The following KYNU variants were observed in gnomAD, a reference collection of about 807,000 sequenced individuals.
The protein encoded by KYNU is L-kynurenine hydrolase.
KYNU carries 54 observed loss-of-function variants against 59.2 expected under a neutral mutation model. The observed-to-expected ratio is 0.91, with a 90% CI of 0.73 to 1.14. The LOEUF (loss-of-function observed/expected upper bound fraction) is 1.14. Among genes scored for constraint, KYNU ranks in the 50% most tolerant of loss-of-function variants. The pLI is 0.00. For missense variants in KYNU, 567 were observed against 554.4 expected (o/e 1.02, Z -0.23); for synonymous variants, 177 against 192.0 (o/e 0.92, Z 0.65).
chr2:142,947,156 A>G, intron 4 of KYNU: 1 of 1,551,116 alleles, frequency 6.4e-7, no homozygotes, highest in Non-Finnish European at 8.7e-7. Flanking sequence ...TGACCTCAGT[A>G]TGTGTAATCT....
rs368432778 is a variant in KYNU, at chr2:142,960,758, T to C, written c.717T>C (p.Ala239=). Residue 239 remains alanine, a synonymous_variant, in exon 8 of 14, where the codon GCT becomes GCC. Transcript: ENST00000264170. ...TTAATATTCCTGCCATCACAAAAGC[T>C]GGACAAGCGAAGGTATGCACGCCAT... ...QHFNIPAITK[A]GQAKGCYVGF... The C allele has an allele frequency of 1.2e-6, 2 of 1,614,020 alleles. No individual in the cohort carries two copies. The highest frequency in any genetic ancestry group is 1.7e-6 in the Non-Finnish European group (2 of 1,179,990).
At chr2:143,019,083 G>C (rs946064052) in intron 10 of KYNU, among the ~76,000 whole-genome samples, 2 of 152,060 alleles carry the variant, frequency 1.3e-5, no homozygotes, top group Non-Finnish European at 2.9e-5. Flanking sequence ...TCAGTTAAGA[G>C]AGATAATTTA....
intron 2 of KYNU, among the ~76,000 whole-genome samples, chr2:142,901,981 T>G (rs1478176605): frequency 6.6e-6 from 1 of 152,198 alleles, no homozygotes; most frequent in Non-Finnish European, 1.5e-5. Flanking sequence ...GTGGCGGGGT[T>G]AAGAGTTGCG....
intron 10 of KYNU, among the ~76,000 whole-genome samples, chr2:143,011,188 T>C (rs1686086085): frequency 2.1e-5 from 3 of 143,396 alleles, no homozygotes. Context: ...ACATCCAGAA[T>C]CTACAATGAA....
chr2:142,970,668 C>T (rs1684692360), intron 8 of KYNU, among the ~76,000 whole-genome samples: 1 of 152,152 alleles, frequency 6.6e-6, no homozygotes, highest in African/African-American at 2.4e-5. Context: ...TGATTGGCAC[C>T]ATGTTTTGCC....
rs61062901 is a variant in KYNU, at chr2:143,032,711, T to TTGTGTG, written c.956-499_956-494dup. ...GATCTTTTTTTTAAAGCTCCCTCTATTGTGTGTGTGTGTGTGTGTGTGTGT... is the reference window on the plus strand; with the variant it reads ...GATCTTTTTTTTAAAGCTCCCTCTATTGTGTGTGTGTGTGTGTGTGTGTGTGTGTGT... On this transcript the variant is annotated intron_variant, in intron 11 of 13. Transcript: ENST00000264170. 1.4e-3 allele frequency among the ~76,000 whole-genome samples: 183 copies of TTGTGTG among 129,444 alleles called. 1 individual carries two copies. The highest frequency in any genetic ancestry group is 4.2e-3 in the East Asian group (19 of 4,532). 84.9% of individuals were successfully genotyped at this position (129,444 alleles called of 152,430 possible). A position where few individuals can be genotyped will look rare whatever the true frequency, so the allele number is the denominator to read the frequency against.
intron 3 of KYNU, among the ~76,000 whole-genome samples, chr2:142,922,526 C>T (rs1045326777): frequency 6.6e-6 from 1 of 151,968 alleles, no homozygotes; most frequent in Non-Finnish European, 1.5e-5. Context: ...ATAATCTTAA[C>T]AGTAACATAA....
chr2:143,012,026 C>T (rs1686117725), intron 10 of KYNU, among the ~76,000 whole-genome samples: 1 of 145,090 alleles, frequency 6.9e-6, no homozygotes, highest in Admixed American at 6.9e-5. Context: ...AACTAACCTG[C>T]ACAATGTGCA....
chr2:142,930,789 A>G (rs1351457877), intron 4 of KYNU, among the ~76,000 whole-genome samples: 1 of 152,216 alleles, frequency 6.6e-6, no homozygotes, highest in Admixed American at 6.5e-5. Context: ...GGGCTTTAAC[A>G]TATGAATTTG....
At chr2:142,988,705 T>C in intron 10 of KYNU, 1 of 728,082 alleles carries the variant, frequency 1.4e-6, no homozygotes, top group Non-Finnish European at 2.5e-6. Flanking sequence ...AAAACCTTGG[T>C]TGTTTTTCTG....
chr2:142,932,638 C>A (rs117430103), intron 4 of KYNU, among the ~76,000 whole-genome samples: 1 of 151,836 alleles, frequency 6.6e-6, no homozygotes, highest in Admixed American at 6.6e-5. Context: ...TAATGAATGA[C>A]AAATTGAATA....
intron 8 of KYNU, among the ~76,000 whole-genome samples, chr2:142,967,888 CAATT>C (rs1316468311): frequency 1.3e-5 from 2 of 151,962 alleles, no homozygotes; most frequent in Admixed American, 1.3e-4. Flanking sequence ...AGAACTTGAG[CAATT>C]AATTAGCTAG....
chr2:142,961,393 A>G (rs1050998631), intron 8 of KYNU, among the ~76,000 whole-genome samples: 1 of 145,324 alleles, frequency 6.9e-6, no homozygotes, highest in Non-Finnish European at 1.5e-5. Context: ...TGCCATTGGT[A>G]CTCAGCTGGT....
In KYNU at chr2:143,047,995, C is replaced by T. The variant is rs1222339739; in HGVS notation, c.*5823C>T. 6.6e-6 allele frequency: 1 copy of T among 151,632 alleles called. No homozygotes were observed. Among genetic ancestry groups the T allele is most frequent in the Non-Finnish European group, 1.5e-5 (1 of 67,978 alleles). 9.4% of individuals were successfully genotyped at this position (151,632 alleles called of 1,614,324 possible). Reference sequence around the variant, plus strand: ...AAGTAGCTGGGATTACAGGCATGGGCCACTATGCCCAGCTAATTTTTGTAT... The same window carrying T: ...AAGTAGCTGGGATTACAGGCATGGGTCACTATGCCCAGCTAATTTTTGTAT... On this transcript the variant is annotated 3_prime_UTR_variant, in exon 14 of 14. Coordinates refer to ENST00000264170, the MANE Select transcript of KYNU (RefSeq NM_003937.3).
At chr2:142,892,599 C>A (rs1275849719) in intron 2 of KYNU, among the ~76,000 whole-genome samples, 1 of 151,962 alleles carries the variant, frequency 6.6e-6, no homozygotes, top group Non-Finnish European at 1.5e-5. Context: ...AACAGTAAGT[C>A]TGAAGAAGTA....
chr2:143,027,064 G>C (rs116288770), intron 10 of KYNU, among the ~76,000 whole-genome samples: 4,073 of 152,244 alleles, frequency 0.027, 178 homozygotes, highest in African/African-American at 0.093. Context: ...TTGGGCTGTG[G>C]TTTCAGGCTT....
chr2:142,943,728 A>G (rs1683678908), intron 4 of KYNU, among the ~76,000 whole-genome samples: 1 of 152,180 alleles, frequency 6.6e-6, no homozygotes, highest in Admixed American at 6.5e-5. Flanking sequence ...GCTGACCCTC[A>G]GAGAAGCAAT....
chr2:142,974,003 T>C (rs1369243786), intron 8 of KYNU, among the ~76,000 whole-genome samples: 1 of 152,196 alleles, frequency 6.6e-6, no homozygotes, highest in Non-Finnish European at 1.5e-5. Context: ...ATGCTCCAAT[T>C]CGTTTAGCTT....
intron 8 of KYNU, among the ~76,000 whole-genome samples, chr2:142,969,646 G>A (rs1021807100): frequency 1.3e-5 from 2 of 152,120 alleles, no homozygotes; most frequent in Non-Finnish European, 2.9e-5. Context: ...ATGAAGCCTG[G>A]CCTCCAGATG....
Sources: allele counts gnomAD v4.1 joint callset (sites outside exome capture counted in the v4.1 genomes callset), GRCh38; gene constraint gnomAD v4.1.1; transcripts MANE v1.5; gene names NCBI Gene and HGNC (gene_info 2026-07-23, HGNC 2026-07-21).